MRTFB: variants seen among roughly 807,000 people sequenced by gnomAD.
MRTFB encodes myocardin related transcription factor B.
A neutral mutation model predicts 104.2 loss-of-function variants in MRTFB; 29 were observed. That is an observed-to-expected ratio of 0.28 (90% CI 0.21 to 0.38). MRTFB has a LOEUF of 0.38. Ranked by LOEUF, MRTFB falls within the 10% of genes least tolerant of loss-of-function variation. The probability of loss-of-function intolerance (pLI) is 1.00; values close to 1 mark genes in which losing one functional copy is unlikely to be tolerated. For synonymous variants in MRTFB, 535 were observed against 519.5 expected (o/e 1.03, Z -0.41); for missense variants, 1,270 against 1,341.6 (o/e 0.95, Z 0.83).
intron 14 of MRTFB, among the ~76,000 whole-genome samples, 167 bp from the exon 15 acceptor site, chr16:14,252,198 C>T (rs180870661): frequency 6.6e-6 from 1 of 152,240 alleles, no homozygotes; most frequent in East Asian, 1.9e-4. Flanking sequence ...TGATCGTTCG[C>T]ACATAAGGTG....
chr16:14,118,401 C>T (rs1596928115), intron 2 of MRTFB, among the ~76,000 whole-genome samples: 1 of 151,808 alleles, frequency 6.6e-6, no homozygotes, highest in East Asian at 2.0e-4. Flanking sequence ...CTCGGCCTCC[C>T]AAAGTGCTGG....
intron 2 of MRTFB, among the ~76,000 whole-genome samples, chr16:14,101,490 TCTC>T (rs2035699366): frequency 1.3e-5 from 2 of 152,230 alleles, no homozygotes; most frequent in African/African-American, 2.4e-5. Flanking sequence ...TGACTACACA[TCTC>T]CTTCTTGGTT....
chr16:14,075,749 G>A (rs775412181), intron 1 of MRTFB, among the ~76,000 whole-genome samples: 10 of 152,120 alleles, frequency 6.6e-5, no homozygotes, highest in Admixed American at 2.0e-4. Context: ...ACTTTGGCTC[G>A]ATTGGAGGAA....
chr16:14,124,270 T>G (rs1317422328), intron 2 of MRTFB, among the ~76,000 whole-genome samples: 2 of 152,236 alleles, frequency 1.3e-5, no homozygotes, highest in African/African-American at 2.4e-5. Context: ...TTCTCTTGCC[T>G]GATTGCTCTG....
chr16:14,095,788 ATGAC>A (rs2035327819), intron 2 of MRTFB, among the ~76,000 whole-genome samples: 1 of 152,240 alleles, frequency 6.6e-6, no homozygotes, highest in Admixed American at 6.5e-5. Flanking sequence ...AGAAGGTAAA[ATGAC>A]TGAATACTGT....
chr16:14,023,747 T>C, the MRTFB span, among the ~76,000 whole-genome samples: 1 of 151,714 alleles, frequency 6.6e-6, no homozygotes, highest in East Asian at 1.9e-4. Context: ...TGCAAAGCAC[T>C]TAGAACTGTG....
the MRTFB span, among the ~76,000 whole-genome samples, chr16:14,036,960 C>G: frequency 2.8e-5 from 1 of 35,208 alleles, no homozygotes; most frequent in Non-Finnish European, 4.9e-5. Flanking sequence ...GCCAGATCAT[C>G]TCACTTTTTT....
At chr16:14,067,062 C>T (rs978772350), upstream of MRTFB, among the ~76,000 whole-genome samples, 3 of 152,142 alleles carry the variant, frequency 2.0e-5, no homozygotes, top group Admixed American at 6.5e-5. Context: ...ATCACTTCCA[C>T]AGGTCCACAG....
intron 8 of MRTFB, among the ~76,000 whole-genome samples, chr16:14,226,732 T>C (rs1221849412): frequency 6.6e-6 from 1 of 152,106 alleles, no homozygotes; most frequent in Non-Finnish European, 1.5e-5. Context: ...CCCAGCTGTT[T>C]GGAAGGTCAC....
chr16:14,203,925 AAAG>A (rs2040829821), intron 3 of MRTFB, among the ~76,000 whole-genome samples: 1 of 152,032 alleles, frequency 6.6e-6, no homozygotes, highest in Admixed American at 6.6e-5. Context: ...GTATCACATG[AAAG>A]AAGTTATTGT....
intron 8 of MRTFB, among the ~76,000 whole-genome samples, chr16:14,231,205 G>C (rs2042247822): frequency 6.6e-6 from 1 of 151,408 alleles, no homozygotes; most frequent in African/African-American, 2.4e-5. Context: ...AATGGGTGCA[G>C]CACACCAACA....
At chr16:14,115,551 G>A (rs1003144997) in intron 2 of MRTFB, among the ~76,000 whole-genome samples, 3 of 152,056 alleles carry the variant, frequency 2.0e-5, no homozygotes, top group East Asian at 3.8e-4. Flanking sequence ...TAAACTCTGC[G>A]GCCCAGCTAC....
At chr16:14,170,123 C>T (rs777368169) in intron 3 of MRTFB, 1 of 151,972 alleles carries the variant, frequency 6.6e-6, no homozygotes, top group African/African-American at 2.4e-5. Context: ...GCTTCCTTTT[C>T]TCCTGTCACC....
At chr16:14,124,185 A>G (rs879479002) in intron 2 of MRTFB, among the ~76,000 whole-genome samples, 1 of 152,190 alleles carries the variant, frequency 6.6e-6, no homozygotes, top group Admixed American at 6.5e-5. Context: ...GGGGTTTTCT[A>G]AATATATAAT....
At chr16:14,224,707 C>G (rs1274656977) in intron 8 of MRTFB, among the ~76,000 whole-genome samples, 1 of 152,132 alleles carries the variant, frequency 6.6e-6, no homozygotes, top group African/African-American at 2.4e-5. Context: ...AAGAAGAAAA[C>G]AGTCACCTGA....
intron 3 of MRTFB, among the ~76,000 whole-genome samples, chr16:14,172,710 C>A (rs530321747): frequency 1.3e-3 from 203 of 152,166 alleles, no homozygotes; most frequent in Non-Finnish European, 2.5e-3. Context: ...GACATTTTTA[C>A]CATCTAATGT....
intron 3 of MRTFB, among the ~76,000 whole-genome samples, chr16:14,172,911 A>G (rs1312905294): frequency 6.6e-6 from 1 of 152,040 alleles, no homozygotes; most frequent in Non-Finnish European, 1.5e-5. Flanking sequence ...TTTCCTCTTC[A>G]GTATGTTTTT....
At chr16:14,185,512 T>C (rs1441990748) in intron 3 of MRTFB, among the ~76,000 whole-genome samples, 1 of 152,218 alleles carries the variant, frequency 6.6e-6, no homozygotes, top group Non-Finnish European at 1.5e-5. Context: ...CATCTAAAAT[T>C]AGTGGCTCTT....
intron 1 of MRTFB, among the ~76,000 whole-genome samples, chr16:14,078,759 A>G (rs1471531445): frequency 6.6e-6 from 1 of 152,066 alleles, no homozygotes; most frequent in African/African-American, 2.4e-5. Flanking sequence ...CATCATAAAT[A>G]ATGCTGGTGA....
Sources: allele counts gnomAD v4.1 joint callset (sites outside exome capture counted in the v4.1 genomes callset), GRCh38; gene constraint gnomAD v4.1.1; transcripts MANE v1.5; gene names NCBI Gene and HGNC (gene_info 2026-07-23, HGNC 2026-07-21).